Variants in DHRSX observed in about 807,000 individuals in gnomAD.
DHRSX encodes the protein dehydrogenase/reductase X-linked, also known as polyprenol dehydrogenase.
In DHRSX, 31 loss-of-function variants were observed where a neutral mutation model predicts 34.0. The observed-to-expected ratio is 0.91, with a 90% CI of 0.69 to 1.23. The LOEUF (loss-of-function observed/expected upper bound fraction) is 1.23. Among genes scored for constraint, DHRSX ranks in the 50% most tolerant of loss-of-function variants. The pLI is 0.00. For missense variants in DHRSX, 414 were observed against 428.1 expected (o/e 0.97, Z 0.29); for synonymous variants, 201 against 183.8 (o/e 1.09, Z -0.76).
chrX:2,343,587 A>G (rs907431664), intron 3 of DHRSX, among the ~76,000 whole-genome samples: 35 of 152,312 alleles, frequency 2.3e-4, no homozygotes, highest in Admixed American at 5.2e-4. Flanking sequence ...ACCTTAACAG[A>G]TGCCATCTTG....
At chrX:2,300,877 G>C (rs2042000887) in intron 3 of DHRSX, among the ~76,000 whole-genome samples, 1 of 152,116 alleles carries the variant, frequency 6.6e-6, no homozygotes, top group Non-Finnish European at 1.5e-5. Flanking sequence ...TGAGTTGATA[G>C]GAAAGCAGAA....
At chrX:2,229,728 CATGT>C (rs1366553067) in intron 6 of DHRSX, among the ~76,000 whole-genome samples, 3 of 151,696 alleles carry the variant, frequency 2.0e-5, no homozygotes, top group Non-Finnish European at 2.9e-5. Context: ...TGTATTCATG[CATGT>C]GTTTGGATAA....
intron 5 of DHRSX, among the ~76,000 whole-genome samples, chrX:2,265,179 C>A (rs2041433133): frequency 8.1e-6 from 1 of 123,550 alleles, no homozygotes; most frequent in African/African-American, 3.2e-5. Flanking sequence ...GCAGGGAGCA[C>A]TGTCCCCAGA....
Position 2,446,334 on chromosome X carries a change from A to T in DHRSX, c.110-21030T>A, listed in dbSNP as rs772032028. ...TAGGCACTGAAGACATTCCCTAAGC[A>T]TGTGGCCAAGGGACCTCACTGAAGA... On this transcript the variant is annotated intron_variant, in intron 1 of 6. Coordinates refer to ENST00000334651, the MANE Select transcript of DHRSX (RefSeq NM_145177.3). 1.3e-4 allele frequency among the ~76,000 whole-genome samples: 20 copies of T among 151,224 alleles called. No homozygotes were observed. In the Middle Eastern group the frequency reaches 0.01, roughly 79 times the overall value.
In DHRSX at chrX:2,434,451, C is replaced by T. The variant is rs759740013; in HGVS notation, c.110-9147G>A. On this transcript the variant is annotated intron_variant, in intron 1 of 6. Transcript: ENST00000334651. ...TGAGAGGCCAAGGTGGGAGGATCAG[C>T]GGAGGCTAGGAGCACGAGGCCCAGC... Among the ~76,000 whole-genome samples the T allele has an allele frequency of 1.9e-3, 295 of 152,196 alleles. 1 individual carries two copies. The highest frequency in any genetic ancestry group is 6.5e-3 in the African/African-American group (272 of 41,532).
intron 3 of DHRSX, among the ~76,000 whole-genome samples, chrX:2,346,324 G>C (rs140048124): frequency 1.3e-5 from 2 of 152,048 alleles, no homozygotes; most frequent in Non-Finnish European, 2.9e-5. Flanking sequence ...AATGCAATGT[G>C]CCATCCAGGA....
chrX:2,441,143 C>G (rs1358197899), intron 1 of DHRSX, among the ~76,000 whole-genome samples: 1 of 152,140 alleles, frequency 6.6e-6, no homozygotes, highest in East Asian at 1.9e-4. Context: ...AATGATCACA[C>G]CTCGGAGCTT....
chrX:2,460,642 G>A (rs1449999929), intron 1 of DHRSX, among the ~76,000 whole-genome samples: 2 of 150,726 alleles, frequency 1.3e-5, no homozygotes, highest in East Asian at 3.9e-4. Flanking sequence ...GGAGTGCAGT[G>A]GTGCGATCAC....
intron 3 of DHRSX, among the ~76,000 whole-genome samples, chrX:2,294,813 A>AAGAGAGG (rs2041912843): frequency 6.7e-6 from 1 of 149,216 alleles, no homozygotes; most frequent in African/African-American, 2.5e-5. Flanking sequence ...GAGAGGAAAA[A>AAGAGAGG]GAGAGGGAGA....
At chrX:2,320,417 C>G (rs1381532515) in intron 3 of DHRSX, among the ~76,000 whole-genome samples, 1 of 144,738 alleles carries the variant, frequency 6.9e-6, no homozygotes, top group East Asian at 2.1e-4. Flanking sequence ...CCCTAATCCT[C>G]CTGAGTAGCT....
chrX:2,232,729 C>T (rs2015924859), intron 6 of DHRSX, among the ~76,000 whole-genome samples: 1 of 152,026 alleles, frequency 6.6e-6, no homozygotes, highest in African/African-American at 2.4e-5. Flanking sequence ...CCTGCCACTA[C>T]ATCCAGCTAA....
At chrX:2,393,931 G>A (rs1434424220) in intron 3 of DHRSX, among the ~76,000 whole-genome samples, 10 of 151,714 alleles carry the variant, frequency 6.6e-5, no homozygotes, top group South Asian at 2.1e-4. Context: ...TGACCTGCCC[G>A]TCTCCTGCGC....
At chrX:2,339,290 C>A (rs1267608427) in intron 3 of DHRSX, among the ~76,000 whole-genome samples, 1 of 151,894 alleles carries the variant, frequency 6.6e-6, no homozygotes, top group Non-Finnish European at 1.5e-5. Flanking sequence ...TGTGTGCCAC[C>A]AGGCCTGGCT....
intron 1 of DHRSX, chrX:2,486,909 G>A (rs1225548866): frequency 1.3e-5 from 2 of 152,284 alleles, no homozygotes; most frequent in Non-Finnish European, 2.9e-5. Flanking sequence ...GTGAAAGGCA[G>A]GTAGTTCCTT....
chrX:2,326,866 T>C (rs963639750), intron 3 of DHRSX, among the ~76,000 whole-genome samples: 2 of 151,426 alleles, frequency 1.3e-5, no homozygotes, highest in African/African-American at 2.4e-5. Context: ...AGCTGGAGTA[T>C]AATGGCGCAA....
chrX:2,431,930 C>T (rs2043929181), intron 1 of DHRSX, among the ~76,000 whole-genome samples: 1 of 152,156 alleles, frequency 6.6e-6, no homozygotes, highest in Non-Finnish European at 1.5e-5. Context: ...CGGTGGCTCA[C>T]ACCTGTCATC....
At chrX:2,228,434 AGGG>A (rs1481402744) in intron 6 of DHRSX, among the ~76,000 whole-genome samples, 1 of 2,832 alleles carries the variant, frequency 3.5e-4, no homozygotes, top group Non-Finnish European at 5.7e-4. Context: ...GAAGGAAGGG[AGGG>A]AGGGAGGGAG....
chrX:2,475,605 TCA>T (rs1407302612), intron 1 of DHRSX, among the ~76,000 whole-genome samples: 3 of 134,936 alleles, frequency 2.2e-5, no homozygotes, highest in Non-Finnish European at 4.8e-5. Context: ...GGCCAAGGGA[TCA>T]CACTCACTGA....
At chrX:2,235,461 C>T (rs1373806762) in intron 6 of DHRSX, among the ~76,000 whole-genome samples, 1 of 151,614 alleles carries the variant, frequency 6.6e-6, no homozygotes, top group African/African-American at 2.4e-5. Flanking sequence ...ATACATAAGC[C>T]GGGCTGGGTA....
Sources: allele counts gnomAD v4.1 joint callset (sites outside exome capture counted in the v4.1 genomes callset), GRCh38; gene constraint gnomAD v4.1.1; transcripts MANE v1.5; gene names NCBI Gene and HGNC (gene_info 2026-07-23, HGNC 2026-07-21).